MAP2K4: variants seen among roughly 807,000 people sequenced by gnomAD.
MAP2K4 encodes dual specificity mitogen-activated protein kinase kinase 4.
MAP2K4 carries 4 observed loss-of-function variants against 48.5 expected under a neutral mutation model. The ratio of observed to expected loss-of-function variants is 0.08; its 90% CI spans 0.04 to 0.19. The LOEUF (loss-of-function observed/expected upper bound fraction) is 0.19. Among genes scored for constraint, MAP2K4 ranks in the 10% least tolerant of loss-of-function variants. MAP2K4 has a pLI of 1.00. For synonymous variants in MAP2K4, 166 were observed against 173.1 expected (o/e 0.96, Z 0.32); for missense variants, 258 against 493.3 (o/e 0.52, Z 4.52).
At chr17:12,065,393 G>A (rs1381797519) in intron 2 of MAP2K4, among the ~76,000 whole-genome samples, 1 of 151,156 alleles carries the variant, frequency 6.6e-6, no homozygotes, top group African/African-American at 2.4e-5. Context: ...CCGCCTACTG[G>A]GTTGAAGTGA....
At chr17:12,080,822 C>T (rs1487610904) in intron 2 of MAP2K4, among the ~76,000 whole-genome samples, 1 of 152,146 alleles carries the variant, frequency 6.6e-6, no homozygotes, top group African/African-American at 2.4e-5. Context: ...GATGTAATTG[C>T]TATGGGACGA....
intron 4 of MAP2K4, among the ~76,000 whole-genome samples, chr17:12,102,673 A>AT (rs1971972789): frequency 6.6e-6 from 1 of 152,086 alleles, no homozygotes; most frequent in Non-Finnish European, 1.5e-5. Flanking sequence ...TTGTGAGAAT[A>AT]TTTTTGACTG....
chr17:12,062,622 T>C (rs1395239972), intron 2 of MAP2K4, among the ~76,000 whole-genome samples: 1 of 152,204 alleles, frequency 6.6e-6, no homozygotes, highest in Non-Finnish European at 1.5e-5. Flanking sequence ...AACCACTGCC[T>C]GGCCTTGAAA....
chr17:12,064,279 C>A (rs1219438901), intron 2 of MAP2K4, among the ~76,000 whole-genome samples: 2 of 152,096 alleles, frequency 1.3e-5, no homozygotes, highest in African/African-American at 4.8e-5. Flanking sequence ...GAGGTGGGAT[C>A]TTGCTATGTT....
At chr17:12,122,924 G>T (rs1046622651) in intron 7 of MAP2K4, among the ~76,000 whole-genome samples, 3 of 152,048 alleles carry the variant, frequency 2.0e-5, no homozygotes, top group Non-Finnish European at 4.4e-5. Flanking sequence ...ATAAATAATG[G>T]TGCATTGCAT....
chr17:12,031,223 A>G (rs1221144503), intron 1 of MAP2K4, among the ~76,000 whole-genome samples: 1 of 152,080 alleles, frequency 6.6e-6, no homozygotes, highest in Non-Finnish European at 1.5e-5. Flanking sequence ...CACCAAAGAC[A>G]CTTTTCATGT....
intron 2 of MAP2K4, among the ~76,000 whole-genome samples, chr17:12,061,203 A>G (rs913617587): frequency 5.3e-5 from 8 of 152,138 alleles, no homozygotes; most frequent in African/African-American, 7.2e-5. Flanking sequence ...TGTATGCAGC[A>G]TTTTGTTTAG....
Position 12,120,151 on chromosome 17 carries a change from A to G in MAP2K4, c.814-5143A>G, listed in dbSNP as rs563345839. Among the ~76,000 whole-genome samples, 45 of 152,266 alleles carry G rather than the reference A, an allele frequency of 3.0e-4. No individual in the cohort carries two copies. In the South Asian group the frequency reaches 9.1e-3, roughly 31 times the overall value. ...CCTGCATGTGTAATCCTGGGCCTAA[A>G]GTAAAAGTTTAAAAAAAATAAAAAT... On this transcript the variant is annotated intron_variant, in intron 7 of 10. Coordinates refer to ENST00000353533, the MANE Select transcript of MAP2K4 (RefSeq NM_003010.4).
At chr17:12,076,797 G>C (rs774178033) in intron 2 of MAP2K4, among the ~76,000 whole-genome samples, 1 of 152,002 alleles carries the variant, frequency 6.6e-6, no homozygotes. Flanking sequence ...ATTAGATGTG[G>C]AATAGTAAGG....
chr17:12,111,936 G>A (rs1035128383), intron 6 of MAP2K4, among the ~76,000 whole-genome samples: 1 of 152,082 alleles, frequency 6.6e-6, no homozygotes, highest in Non-Finnish European at 1.5e-5. Flanking sequence ...TGGCTGCCTC[G>A]TGAAGAAGAG....
In MAP2K4 at chr17:12,142,073, A is replaced by G. The variant is rs1271080885; in HGVS notation, c.*813A>G. 1.3e-5 allele frequency: 3 copies of G among 233,320 alleles called. No homozygotes were observed. Among genetic ancestry groups the G allele is most frequent in the Non-Finnish European group, 2.5e-5 (3 of 117,924 alleles). 14.5% of individuals were successfully genotyped at this position (233,320 alleles called of 1,614,324 possible). A position where few individuals can be genotyped will look rare whatever the true frequency, so the allele number is the denominator to read the frequency against. Reference sequence around the variant, plus strand: ...CAGAATTCGGTGTGCTGCCAACTTGATGTTCCACCTGCCACAAACCACCAG... The same window carrying G: ...CAGAATTCGGTGTGCTGCCAACTTGGTGTTCCACCTGCCACAAACCACCAG... On this transcript the variant is annotated 3_prime_UTR_variant, in exon 11 of 11. Coordinates refer to ENST00000353533, the MANE Select transcript of MAP2K4 (RefSeq NM_003010.4).
intron 1 of MAP2K4, among the ~76,000 whole-genome samples, chr17:12,025,690 A>G (rs1969231572): frequency 6.6e-6 from 1 of 152,212 alleles, no homozygotes; most frequent in Non-Finnish European, 1.5e-5. Flanking sequence ...CAGTTTAAGT[A>G]GAAAGATGAT....
chr17:12,133,786 A>G (rs1362027938), intron 9 of MAP2K4, among the ~76,000 whole-genome samples: 1 of 152,198 alleles, frequency 6.6e-6, no homozygotes, highest in Non-Finnish European at 1.5e-5. Context: ...ACGATATAAG[A>G]CCCATATACA....
intron 2 of MAP2K4, among the ~76,000 whole-genome samples, chr17:12,066,742 T>C (rs1006150634): frequency 6.6e-6 from 1 of 151,766 alleles, no homozygotes; most frequent in Non-Finnish European, 1.5e-5. Flanking sequence ...CAGGCGGGAG[T>C]GCTGTGGCGT....
At chr17:12,021,734 G>GAAA (rs896882494) in intron 1 of MAP2K4, among the ~76,000 whole-genome samples, 62 of 99,612 alleles carry the variant, frequency 6.2e-4, no homozygotes, top group African/African-American at 1.2e-3. Context: ...CGTGCAGGAA[G>GAAA]AAAAAAAAAA....
intron 4 of MAP2K4, among the ~76,000 whole-genome samples, chr17:12,104,171 A>G (rs987863689): frequency 2.6e-5 from 4 of 152,152 alleles, no homozygotes; most frequent in African/African-American, 9.7e-5. Flanking sequence ...CTTACTTTAT[A>G]GTTTCAGTTG....
chr17:12,055,280 G>A (rs758613013), intron 2 of MAP2K4, among the ~76,000 whole-genome samples: 2 of 152,086 alleles, frequency 1.3e-5, no homozygotes, highest in African/African-American at 2.4e-5. Flanking sequence ...TAAATTGAAA[G>A]AGTTGTGTAC....
intron 1 of MAP2K4, among the ~76,000 whole-genome samples, chr17:12,036,039 G>A (rs1969587242): frequency 6.6e-6 from 1 of 152,108 alleles, no homozygotes; most frequent in Non-Finnish European, 1.5e-5. Flanking sequence ...AAACATCTCT[G>A]TAGAAATTCA....
intron 7 of MAP2K4, among the ~76,000 whole-genome samples, chr17:12,116,562 A>G (rs1013658305): frequency 6.6e-6 from 1 of 152,204 alleles, no homozygotes; most frequent in Non-Finnish European, 1.5e-5. Context: ...CAGCCGTACA[A>G]AAATATTTTC....
Sources: allele counts gnomAD v4.1 joint callset (sites outside exome capture counted in the v4.1 genomes callset), GRCh38; gene constraint gnomAD v4.1.1; transcripts MANE v1.5; gene names NCBI Gene and HGNC (gene_info 2026-07-23, HGNC 2026-07-21).